Variants in PANK3 observed in about 807,000 individuals in gnomAD.
PANK3 encodes the protein hPanK3.
A neutral mutation model predicts 39.4 loss-of-function variants in PANK3; 20 were observed. The observed-to-expected ratio is 0.51, with a 90% CI of 0.36 to 0.74. The LOEUF (loss-of-function observed/expected upper bound fraction) is 0.74, where lower values mean the gene tolerates loss of function less well. Ranked by LOEUF, PANK3 falls within the 30% of genes least tolerant of loss-of-function variation. The pLI, the probability that PANK3 is intolerant of heterozygous loss-of-function variation, is 0.00. For missense variants in PANK3, 265 were observed against 437.0 expected, an observed-to-expected ratio of 0.61 and a Z score of 3.51; for synonymous variants, 140 against 157.3, an observed-to-expected ratio of 0.89 and a Z score of 0.82.
At chr5:168,579,086 G>T (rs1316226160) in intron 1 of PANK3, among the ~76,000 whole-genome samples, 170 bp downstream of exon 1, 1 of 152,166 alleles carries the variant, frequency 6.6e-6, no homozygotes, top group Non-Finnish European at 1.5e-5. Flanking sequence ...ATAGGGGGAT[G>T]GGGAGGACGG....
At chr5:168,557,742 A>G in intron 6 of PANK3, 121 bp from the exon 7 acceptor site, 1 of 752,524 alleles carries the variant, frequency 1.3e-6, no homozygotes, top group Non-Finnish European at 2.1e-6. Context: ...GAAACCTACC[A>G]ATTTCTGCGT....
chr5:168,557,637 ATAAC>A lies in PANK3; in HGVS notation c.1063-20_1063-17del, dbSNP rs758539593. On this transcript the variant is annotated splice_polypyrimidine_tract_variant and intron_variant, in intron 6 of 6. Transcript: ENST00000239231. ...CAAAGTAACCCTGTGTAATTTAAAA[ATAAC>A]TGTTATGTAGTACAGCTTTTAAGTT... 84 of 1,610,136 alleles carry A rather than the reference ATAAC, an allele frequency of 5.2e-5. No homozygotes were observed. The highest frequency in any genetic ancestry group is 7.1e-5 in the Non-Finnish European group (84 of 1,177,334).
In PANK3 at chr5:168,559,121, G is replaced by A. The variant is rs776896383; in HGVS notation, c.973C>T (p.Arg325Cys). ...NRVVFVGNFLRVNTLSMKLLA... is the reference protein window; with the variant it reads ...NRVVFVGNFLCVNTLSMKLLA... ...AGTTTCATTGAGAGGGTATTGACAC[G>A]TAAAAAGTTTCCAACAAAGACAACT... Residue 325 changes from arginine to cysteine, a missense_variant, in exon 6 of 7, where the codon CGT (arginine) becomes TGT (cysteine). Physicochemically the swap from Arg to Cys is radical, Grantham distance 180. Transcript: ENST00000239231. 6 of 1,579,938 alleles carry A rather than the reference G, an allele frequency of 3.8e-6. No homozygotes were observed. The African/African-American group carries it at 4.1e-5, about 11-fold the overall frequency.
At chr5:168,574,602 C>G (rs2113035100) in intron 1 of PANK3, among the ~76,000 whole-genome samples, 1 of 152,316 alleles carries the variant, frequency 6.6e-6, no homozygotes, top group Non-Finnish European at 1.5e-5. Context: ...TAGCTCACAT[C>G]TGTAATCCTA....
chr5:168,565,322 T>A (rs1192678828), intron 3 of PANK3, among the ~76,000 whole-genome samples: 1 of 152,196 alleles, frequency 6.6e-6, no homozygotes, highest in Non-Finnish European at 1.5e-5. Context: ...TTATTTCTCA[T>A]TCGTATTTCA....
chr5:168,573,146 T>A (rs1467658638), intron 1 of PANK3, among the ~76,000 whole-genome samples: 1 of 152,050 alleles, frequency 6.6e-6, no homozygotes. Flanking sequence ...ATAGGAACCA[T>A]AATATGCAAA....
chr5:168,571,509 T>A (rs1759630050), intron 1 of PANK3, among the ~76,000 whole-genome samples: 2 of 152,164 alleles, frequency 1.3e-5, no homozygotes, highest in Admixed American at 1.3e-4. Context: ...ATATTTCTAT[T>A]CTCTAGGATC....
At chr5:168,569,334 A>G (rs868168479) in intron 1 of PANK3, among the ~76,000 whole-genome samples, 2 of 149,562 alleles carry the variant, frequency 1.3e-5, no homozygotes, top group African/African-American at 2.5e-5. Flanking sequence ...ACAGGTGCCC[A>G]CCACCACGCC....
chr5:168,578,179 T>C (rs1759758169), intron 1 of PANK3, among the ~76,000 whole-genome samples: 1 of 152,256 alleles, frequency 6.6e-6, no homozygotes, highest in African/African-American at 2.4e-5. Flanking sequence ...TTGGAAAAGT[T>C]ACTCTGGGGC....
Position 168,559,122 on chromosome 5 carries a change from T to A in PANK3, c.972A>T (p.Leu324Phe), listed in dbSNP as rs191162163. 2.5e-6 allele frequency: 4 copies of A among 1,582,706 alleles called. No homozygotes were observed. In the Admixed American group the frequency reaches 5.1e-5, roughly 20 times the overall value. The change falls in exon 6 of 7, where the codon TTA becomes TTT. Residue 324 changes from leucine to phenylalanine, a missense_variant. Physicochemically the swap from Leu to Phe is conservative, Grantham distance 22. This residue lies in a region of PANK3 where 110 missense variants were observed against 161.2 expected (regional missense o/e 0.68). Coordinates refer to ENST00000239231, the MANE Select transcript of PANK3 (RefSeq NM_024594.4). Reference protein sequence around the residue: ...INRVVFVGNFLRVNTLSMKLL... With the variant: ...INRVVFVGNFFRVNTLSMKLL... The stretch of plus-strand genomic sequence containing the variant: ...GTTTCATTGAGAGGGTATTGACACG[T>A]AAAAAGTTTCCAACAAAGACAACTC...
intron 4 of PANK3, 58 bp from the exon 5 acceptor site, chr5:168,561,574 T>A (rs1182844057): frequency 7.8e-6 from 11 of 1,403,764 alleles, no homozygotes; most frequent in Non-Finnish European, 9.5e-6. Context: ...ATTTTACGTA[T>A]TAACAGATAT....
chr5:168,553,085 G>A lies in PANK3; in HGVS notation c.*4486C>T. The A allele has an allele frequency of 2.4e-6, 1 of 421,624 alleles. No individual in the cohort carries two copies. Among genetic ancestry groups the A allele is most frequent in the Non-Finnish European group, 4.6e-6 (1 of 215,322 alleles). The allele number at this position is 421,624 out of a possible 1,614,324, so 26.1% of individuals were successfully genotyped here. On this transcript the variant is annotated 3_prime_UTR_variant, in exon 7 of 7. Coordinates refer to ENST00000239231, the MANE Select transcript of PANK3 (RefSeq NM_024594.4). ...TAGTACTCTTCCTTTCTGTTAATGA[G>A]CAAAAACTTACGACTTCCAGGGCAA... is the stretch of plus-strand genomic sequence containing the variant.
At position 168,553,449 on chromosome 5, in the gene PANK3, C is replaced by T. The variant is rs936289054; in HGVS notation, c.*4122G>A. ...TATGATAAGCATTGAACTGCACCTG[C>T]CAAAGTGGTTGACAAAGAGTGCAAC... On this transcript the variant is annotated 3_prime_UTR_variant, in exon 7 of 7. Transcript: ENST00000239231. 1 of 396,350 alleles carries T rather than the reference C, an allele frequency of 2.5e-6. No homozygotes were observed. The highest frequency in any genetic ancestry group is 9.3e-4 in the Middle Eastern group (1 of 1,078). The allele number at this position is 396,350 out of a possible 1,614,324, so 24.6% of individuals were successfully genotyped here.
In PANK3 at chr5:168,552,597, G is replaced by A. The variant is rs896731120; in HGVS notation, c.*4974C>T. On this transcript the variant is annotated 3_prime_UTR_variant, in exon 7 of 7. Coordinates refer to ENST00000239231, the MANE Select transcript of PANK3 (RefSeq NM_024594.4). ...CACAGTATTCCAGGGAACGGAGTCT[G>A]GTCCAACTTCAGAGAAGGCCACAAA... 4.2e-5 allele frequency: 9 copies of A among 214,260 alleles called. No individual in the cohort carries two copies. Among genetic ancestry groups the A allele is most frequent in the Non-Finnish European group, 7.6e-5 (7 of 92,112 alleles). 13.3% of individuals were successfully genotyped at this position (214,260 alleles called of 1,614,324 possible). A position where few individuals can be genotyped will look rare whatever the true frequency, so the allele number is the denominator to read the frequency against.
intron 1 of PANK3, among the ~76,000 whole-genome samples, chr5:168,577,609 G>C (rs968106277): frequency 2.0e-5 from 3 of 152,152 alleles, no homozygotes; most frequent in Non-Finnish European, 4.4e-5. Flanking sequence ...AAAGTGCTGG[G>C]ATTTCAGGTG....
At chr5:168,577,925 GAA>G (rs1283981303) in intron 1 of PANK3, among the ~76,000 whole-genome samples, 2 of 152,148 alleles carry the variant, frequency 1.3e-5, no homozygotes, top group East Asian at 3.8e-4. Flanking sequence ...TTCAGCAAAT[GAA>G]AATTTAAAGT....
At chr5:168,576,062 C>G (rs532120367) in intron 1 of PANK3, among the ~76,000 whole-genome samples, 1 of 152,138 alleles carries the variant, frequency 6.6e-6, no homozygotes, top group African/African-American at 2.4e-5. Flanking sequence ...TCTTCAGACC[C>G]TCAGTACTGA....
chr5:168,577,241 C>T (rs987771205), intron 1 of PANK3, among the ~76,000 whole-genome samples: 1 of 152,056 alleles, frequency 6.6e-6, no homozygotes, highest in South Asian at 2.1e-4. Flanking sequence ...CACAAAACGT[C>T]ATGTTCCTTA....
intron 5 of PANK3, 67 bp from the exon 6 acceptor site, chr5:168,559,224 ATATT>A (rs1759404278): frequency 3.8e-6 from 4 of 1,066,414 alleles, no homozygotes; most frequent in Admixed American, 3.1e-5. Flanking sequence ...AGGTTTCTAA[ATATT>A]TATTTAAAAT....
Sources: allele counts gnomAD v4.1 joint callset (sites outside exome capture counted in the v4.1 genomes callset), GRCh38; gene constraint gnomAD v4.1.1; regional missense constraint gnomAD v4.1.1; transcripts MANE v1.5; gene names NCBI Gene and HGNC (gene_info 2026-07-23, HGNC 2026-07-21).